The following SND1 variants were observed in gnomAD, a reference collection of about 807,000 sequenced individuals.
The protein encoded by SND1 is staphylococcal nuclease and tudor domain containing 1.
In SND1, 38 loss-of-function variants were observed where a neutral mutation model predicts 121.7. The observed-to-expected ratio is 0.31, with a 90% CI of 0.24 to 0.41. SND1 has a LOEUF of 0.41. Ranked by LOEUF, SND1 falls within the 10% of genes least tolerant of loss-of-function variation. SND1 has a pLI of 1.00. For missense variants in SND1, 868 were observed against 1,184.6 expected (o/e 0.73, Z 3.92); for synonymous variants, 401 against 447.4 (o/e 0.90, Z 1.31).
Position 127,703,106 on chromosome 7 carries a change from G to A in SND1, c.682-59G>A, listed in dbSNP as rs1461162551. ...TTTTTTGGAAGGCTTAGTGTGGGGC[G>A]AGAGTGCCTAGCACTCACATTTAGG... On this transcript the variant is annotated intron_variant, in intron 6 of 23. Transcript: ENST00000354725. 36 of 1,594,660 alleles carry A rather than the reference G, an allele frequency of 2.3e-5. No homozygotes were observed. In the Admixed American group the frequency reaches 2.3e-4, roughly 10 times the overall value.
At chr7:127,707,693 G>C (rs934576560) in intron 9 of SND1, 46 bp downstream of exon 9, 1 of 1,487,010 alleles carries the variant, frequency 6.7e-7, no homozygotes, top group African/African-American at 1.4e-5. Context: ...ACATTGCCAG[G>C]CGAGTAATAA....
chr7:127,808,999 T>G (rs551452278), intron 11 of SND1, among the ~76,000 whole-genome samples: 5 of 152,330 alleles, frequency 3.3e-5, no homozygotes, highest in African/African-American at 9.6e-5. Flanking sequence ...TATTATGGCA[T>G]CCACCTGGTT....
chr7:128,082,573 G>A (rs766696655), intron 18 of SND1, among the ~76,000 whole-genome samples: 36 of 152,220 alleles, frequency 2.4e-4, no homozygotes, highest in Non-Finnish European at 4.9e-4. Context: ...TGGAGCCCAC[G>A]AGCCTGCGGG....
At chr7:127,718,924 C>T (rs145940026) in intron 9 of SND1, among the ~76,000 whole-genome samples, 188 of 90,624 alleles carry the variant, frequency 2.1e-3, no homozygotes, top group Non-Finnish European at 3.4e-3. Context: ...TAGATCTGTC[C>T]AGTATTAAGA....
At chr7:128,042,837 T>C (rs560508757) in intron 16 of SND1, among the ~76,000 whole-genome samples, 2 of 152,366 alleles carry the variant, frequency 1.3e-5, no homozygotes, top group South Asian at 4.1e-4. Context: ...TTAATGCCAC[T>C]GGAGGAGTTG....
At chr7:127,881,948 A>G (rs1033447314) in intron 12 of SND1, among the ~76,000 whole-genome samples, 2 of 152,142 alleles carry the variant, frequency 1.3e-5, no homozygotes, top group Non-Finnish European at 2.9e-5. Context: ...AAAACAATTC[A>G]TTCTTAAAGC....
chr7:127,849,254 T>G (rs1258372817), intron 12 of SND1, among the ~76,000 whole-genome samples: 1 of 152,224 alleles, frequency 6.6e-6, no homozygotes, highest in Admixed American at 6.5e-5. Context: ...CTGCAGTGAT[T>G]AAAATCTCCT....
At chr7:127,926,381 C>T (rs1377709580) in intron 14 of SND1, among the ~76,000 whole-genome samples, 1 of 151,850 alleles carries the variant, frequency 6.6e-6, no homozygotes, top group African/African-American at 2.4e-5. Context: ...TCCATCTTTC[C>T]ACTTAGTGAC....
At chr7:128,061,563 G>T (rs1209124060) in intron 16 of SND1, among the ~76,000 whole-genome samples, 1 of 152,218 alleles carries the variant, frequency 6.6e-6, no homozygotes, top group Non-Finnish European at 1.5e-5. Flanking sequence ...ACAAACTGCA[G>T]CCCTGCACTA....
chr7:127,970,413 C>T (rs1242242169), intron 15 of SND1, among the ~76,000 whole-genome samples: 1 of 152,122 alleles, frequency 6.6e-6, no homozygotes, highest in Non-Finnish European at 1.5e-5. Flanking sequence ...AGTTTGGACT[C>T]GATTTCTAAG....
chr7:127,665,800 G>A (rs917703134), intron 1 of SND1, among the ~76,000 whole-genome samples: 10 of 151,980 alleles, frequency 6.6e-5, no homozygotes, highest in African/African-American at 2.2e-4. Flanking sequence ...TTAATACAAG[G>A]ACATTAAAAA....
rs1485577245 is a variant in SND1 at position 127,681,262 on chromosome 7, T to C, written c.79-5351T>C. On this transcript the variant is annotated intron_variant, in intron 1 of 23. Coordinates refer to ENST00000354725, the MANE Select transcript of SND1 (RefSeq NM_014390.4). ...GTCTGATGACTAATGATGAAGAGCA[T>C]CTTTTCATGTGCTTTTTGGACATTT... Among the ~76,000 whole-genome samples, 5 of 152,222 alleles carry C rather than the reference T, an allele frequency of 3.3e-5. No homozygotes were observed. In the East Asian group the frequency reaches 9.6e-4, roughly 29 times the overall value.
chr7:127,869,172 G>A (rs1051120837), intron 12 of SND1, among the ~76,000 whole-genome samples: 1 of 152,138 alleles, frequency 6.6e-6, no homozygotes, highest in African/African-American at 2.4e-5. Context: ...TCAGGAGCAA[G>A]GACCTGAAGG....
At chr7:127,849,192 A>G (rs1375585827) in intron 12 of SND1, among the ~76,000 whole-genome samples, 1 of 152,170 alleles carries the variant, frequency 6.6e-6, no homozygotes, top group Non-Finnish European at 1.5e-5. Flanking sequence ...TTTTTATTGT[A>G]TTTAAGACAC....
chr7:127,964,578 T>C (rs1424450149), intron 15 of SND1, among the ~76,000 whole-genome samples: 1 of 152,038 alleles, frequency 6.6e-6, no homozygotes, highest in East Asian at 1.9e-4. Context: ...TAAGCGGCGT[T>C]ATTTCTGAGG....
chr7:127,766,771 C>CAAAAAAAAAAAAAAAA (rs59243807), intron 10 of SND1, among the ~76,000 whole-genome samples: 8 of 33,208 alleles, frequency 2.4e-4, no homozygotes, highest in Non-Finnish European at 3.5e-4. Flanking sequence ...GACTTTGTCT[C>CAAAAAAAAAAAAAAAA]AAAAAAAAAA....
intron 14 of SND1, among the ~76,000 whole-genome samples, chr7:127,924,882 G>C (rs1800799053): frequency 6.6e-6 from 1 of 152,170 alleles, no homozygotes; most frequent in Non-Finnish European, 1.5e-5. Flanking sequence ...AAGAGATGTA[G>C]CCTGACAAGC....
intron 10 of SND1, among the ~76,000 whole-genome samples, chr7:127,742,868 G>A (rs1796910174): frequency 6.6e-6 from 1 of 152,136 alleles, no homozygotes; most frequent in Non-Finnish European, 1.5e-5. Flanking sequence ...ACCCCAAGTG[G>A]TGTGGGCATT....
At chr7:127,718,852 A>C (rs1587617811) in intron 9 of SND1, 1 of 612,170 alleles carries the variant, frequency 1.6e-6, no homozygotes, top group East Asian at 1.4e-4. Flanking sequence ...TCTTGATTAT[A>C]GGAATTTCCT....
Sources: gnomAD v4.1 joint callset for allele counts (sites outside exome capture counted in the v4.1 genomes callset) on GRCh38, gnomAD v4.1.1 for gene constraint, MANE v1.5 for transcripts, NCBI Gene and HGNC (gene_info 2026-07-23, HGNC 2026-07-21) for gene names.